The following ASAP1 variants were observed in gnomAD, a reference collection of about 807,000 sequenced individuals.
The protein encoded by ASAP1 is ArfGAP with SH3 domain, ankyrin repeat and PH domain 1.
A neutral mutation model predicts 145.2 loss-of-function variants in ASAP1; 43 were observed. That is an observed-to-expected ratio of 0.30 (90% confidence interval 0.23 to 0.38). ASAP1 has a LOEUF of 0.38. ASAP1 is among the 10% of genes least tolerant of loss of function. The pLI, the probability that ASAP1 is intolerant of heterozygous loss-of-function variation, is 1.00. For missense variants in ASAP1, 1,018 were observed against 1,355.3 expected, an observed-to-expected ratio of 0.75 and a Z score of 3.91; for synonymous variants, 546 against 515.5, an observed-to-expected ratio of 1.06 and a Z score of -0.80.
At position 130,358,595 on chromosome 8, in the gene ASAP1, T is replaced by C. The variant is rs1826503730; in HGVS notation, c.60-452A>G. 2.8e-5 allele frequency among the ~76,000 whole-genome samples: 4 copies of C among 145,076 alleles called. No homozygotes were observed. The South Asian group carries it at 8.6e-4, about 31-fold the overall frequency. On this transcript the variant is annotated intron_variant, in intron 2 of 29. Coordinates refer to ENST00000518721, the MANE Select transcript of ASAP1 (RefSeq NM_018482.4). This position sits in a 1 kb window ranked among gnomAD's most constrained non-coding sequence, Gnocchi z 4.1. ...AGGCGGCGGCGCGGGCCTGACTGAC[T>C]GAGCGCACACTCCCGCGGCGGGCGG...
chr8:130,243,254 ATCCATACTTCTCACATCATTCCAC>A (rs1419282274), intron 3 of ASAP1, among the ~76,000 whole-genome samples: 4 of 152,146 alleles, frequency 2.6e-5, no homozygotes, highest in African/African-American at 9.6e-5. Context: ...GGCTTGCTTT[ATCCATACTTCTCACATCATTCCAC>A]TCTACCTTAT....
intron 4 of ASAP1, among the ~76,000 whole-genome samples, chr8:130,236,535 T>C (rs1173303494): frequency 2.0e-5 from 3 of 152,136 alleles, no homozygotes; most frequent in African/African-American, 2.4e-5. Context: ...ATCGCCAATA[T>C]TGATTTTCAA....
intron 24 of ASAP1, among the ~76,000 whole-genome samples, chr8:130,095,294 A>ATTTTTT (rs71302392): frequency 1.0e-5 from 1 of 95,704 alleles, no homozygotes; most frequent in Non-Finnish European, 2.0e-5. Flanking sequence ...TAGGCCAGTG[A>ATTTTTT]TTTTTTTTTT....
intron 2 of ASAP1, among the ~76,000 whole-genome samples, chr8:130,382,229 T>A (rs1205334984): frequency 7.6e-6 from 1 of 131,148 alleles, no homozygotes; most frequent in Non-Finnish European, 1.5e-5. Context: ...GAGCTTGCAG[T>A]GAGCCGAGAT....
chr8:130,115,759 C>G, intron 22 of ASAP1, 24 bp from the exon 23 acceptor site: 1 of 1,520,122 alleles, frequency 6.6e-7, no homozygotes, highest in Non-Finnish European at 9.1e-7. Flanking sequence ...CAAATGTGCA[C>G]CATTTTAATT....
intron 3 of ASAP1, among the ~76,000 whole-genome samples, chr8:130,279,645 T>C (rs776862307): frequency 2.0e-5 from 3 of 152,128 alleles, no homozygotes; most frequent in Middle Eastern, 3.2e-3. Context: ...ATAAAACAAA[T>C]AGACTTGACT....
intron 3 of ASAP1, among the ~76,000 whole-genome samples, chr8:130,353,372 T>TG (rs1826114474): frequency 6.6e-6 from 1 of 152,208 alleles, no homozygotes; most frequent in Non-Finnish European, 1.5e-5. Context: ...GAAAAAATAG[T>TG]ATATTTAAGT....
chr8:130,100,526 A>T (rs1162579627), intron 24 of ASAP1, among the ~76,000 whole-genome samples: 1 of 151,904 alleles, frequency 6.6e-6, no homozygotes, highest in African/African-American at 2.4e-5. Context: ...ATGGGGTTTC[A>T]CCATGTTGGC....
intron 3 of ASAP1, among the ~76,000 whole-genome samples, chr8:130,278,344 G>A (rs1215338165): frequency 6.6e-6 from 1 of 152,032 alleles, no homozygotes; most frequent in Non-Finnish European, 1.5e-5. Context: ...TTAAAAGGGT[G>A]TGGCAGGTTA....
chr8:130,072,084 G>A (rs1388481185), intron 27 of ASAP1, among the ~76,000 whole-genome samples: 1 of 152,166 alleles, frequency 6.6e-6, no homozygotes, highest in Non-Finnish European at 1.5e-5. Flanking sequence ...CCATGAGAGG[G>A]TCCTACCCTA....
At chr8:130,148,446 C>T (rs771719404) in intron 13 of ASAP1, among the ~76,000 whole-genome samples, 1 of 152,134 alleles carries the variant, frequency 6.6e-6, no homozygotes, top group Non-Finnish European at 1.5e-5. Context: ...GTCCCTACCT[C>T]CTAGGAATTT....
intron 4 of ASAP1, among the ~76,000 whole-genome samples, chr8:130,223,191 T>C (rs930391208): frequency 9.9e-5 from 15 of 152,168 alleles, no homozygotes; most frequent in African/African-American, 3.4e-4. Flanking sequence ...CTCTCATAAA[T>C]CCATCCTGAG....
chr8:130,123,606 ACAAACACTGTAAAAAACT>A (rs1236524274), intron 18 of ASAP1, among the ~76,000 whole-genome samples: 1 of 152,116 alleles, frequency 6.6e-6, no homozygotes, highest in Non-Finnish European at 1.5e-5. Flanking sequence ...AAACAAACAA[ACAAACACTGTAAAAAACT>A]AAAGACTTTC....
At chr8:130,119,790 C>T (rs543607267) in intron 18 of ASAP1, among the ~76,000 whole-genome samples, 1 of 150,492 alleles carries the variant, frequency 6.6e-6, no homozygotes, top group South Asian at 2.1e-4. Context: ...GCTTAATCGT[C>T]ATGAGCTTCA....
chr8:130,229,658 T>C (rs979958140), intron 4 of ASAP1, among the ~76,000 whole-genome samples: 5 of 152,258 alleles, frequency 3.3e-5, no homozygotes, highest in African/African-American at 1.2e-4. Context: ...TATTTATTTT[T>C]ACCAAAATAA....
Position 130,402,368 on chromosome 8 carries a change from C to T in ASAP1, c.-27-398G>A, listed in dbSNP as rs184851788. On this transcript the variant is annotated intron_variant, in intron 1 of 29. Coordinates refer to ENST00000518721, the MANE Select transcript of ASAP1 (RefSeq NM_018482.4). ...CCACGAGAAAGCAAAAGTGTTCACC[C>T]GGCAAAGGAAACCAGTTGCAGGAAG... Among the ~76,000 whole-genome samples the T allele has an allele frequency of 7.2e-5, 11 of 152,186 alleles. No homozygotes were observed. The East Asian group carries it at 1.2e-3, about 16-fold the overall frequency.
At chr8:130,368,688 G>A (rs985962936) in intron 2 of ASAP1, among the ~76,000 whole-genome samples, 1 of 152,208 alleles carries the variant, frequency 6.6e-6, no homozygotes, top group African/African-American at 2.4e-5. Flanking sequence ...CTAAGACTTA[G>A]TAGGCCTTCA....
In ASAP1 at chr8:130,126,008, A is replaced by G; in HGVS notation, c.1463T>C (p.Ile488Thr). 6.2e-7 allele frequency: 1 copy of G among 1,614,110 alleles called. No individual in the cohort carries two copies. Among genetic ancestry groups the G allele is most frequent in the Non-Finnish European group, 8.5e-7 (1 of 1,179,982 alleles). Residue 488 changes from isoleucine to threonine, a missense_variant, in exon 17 of 30, where the codon ATT (isoleucine) becomes ACT (threonine). Physicochemically the swap from Ile to Thr is moderately conservative, Grantham distance 89. Coordinates refer to ENST00000518721, the MANE Select transcript of ASAP1 (RefSeq NM_018482.4). ...SGIHREMGVH[I>T]SRIQSLELDK... Reference sequence around the variant, plus strand: ...TAGTTCCAAAGACTGAATGCGAGAAATATGAACCCCCATTTCCCTATGGAT... The same window carrying G: ...TAGTTCCAAAGACTGAATGCGAGAAGTATGAACCCCCATTTCCCTATGGAT...
chr8:130,301,502 T>C (rs1054600932), intron 3 of ASAP1, among the ~76,000 whole-genome samples: 1 of 152,188 alleles, frequency 6.6e-6, no homozygotes, highest in African/African-American at 2.4e-5. Flanking sequence ...ACTCCATATA[T>C]AGTGGTTGAA....
Sources: gnomAD v4.1 joint callset for allele counts (sites outside exome capture counted in the v4.1 genomes callset) on GRCh38, gnomAD v4.1.1 for gene constraint, Gnocchi (gnomAD v3.1) non-coding constraint, MANE v1.5 for transcripts, NCBI Gene and HGNC (gene_info 2026-07-23, HGNC 2026-07-21) for gene names.